Variants in CLASP1 observed in about 807,000 individuals in gnomAD.
CLASP1 encodes the protein CLIP-associating protein 1.
Under a neutral mutation model 192.3 loss-of-function variants are expected in CLASP1, and 38 were observed. That is an observed-to-expected ratio of 0.20 (90% CI 0.15 to 0.26). CLASP1 has a LOEUF of 0.26. CLASP1 is among the 10% of genes least tolerant of loss of function. CLASP1 has a pLI of 1.00. For missense variants in CLASP1, 1,433 were observed against 1,932.5 expected, an observed-to-expected ratio of 0.74 and a Z score of 4.85; for synonymous variants, 691 against 712.8, an observed-to-expected ratio of 0.97 and a Z score of 0.49.
chr2:121,504,879 A>G (rs767206999), intron 7 of CLASP1: 2 of 152,252 alleles, frequency 1.3e-5, no homozygotes, highest in Non-Finnish European at 2.9e-5. Flanking sequence ...GGCACTGAAT[A>G]AAACTCCAAT....
chr2:121,366,455 C>T (rs187793913), intron 35 of CLASP1, among the ~76,000 whole-genome samples: 43 of 152,362 alleles, frequency 2.8e-4, no homozygotes, highest in Non-Finnish European at 4.1e-4. Context: ...TCTACCTTAG[C>T]ATTCCCCTAC....
intron 6 of CLASP1, among the ~76,000 whole-genome samples, chr2:121,517,982 G>C (rs913841156): frequency 6.8e-6 from 1 of 146,486 alleles, no homozygotes; most frequent in African/African-American, 2.5e-5. Flanking sequence ...TCAGGAGTTC[G>C]AGTTCAGGCA....
intron 16 of CLASP1, among the ~76,000 whole-genome samples, chr2:121,449,836 G>A (rs1427416727): frequency 1.3e-5 from 2 of 152,176 alleles, no homozygotes; most frequent in African/African-American, 2.4e-5. Context: ...AGATCAGGAT[G>A]TATTAATGCA....
intron 2 of CLASP1, among the ~76,000 whole-genome samples, chr2:121,582,798 T>A (rs1394725905): frequency 1.3e-5 from 2 of 151,490 alleles, no homozygotes; most frequent in Non-Finnish European, 2.9e-5. Context: ...TTTTTTTTTT[T>A]AACTGAGACA....
At chr2:121,384,007 TACACACAC>T (rs771174974) in intron 32 of CLASP1, among the ~76,000 whole-genome samples, 6 of 139,720 alleles carry the variant, frequency 4.3e-5, no homozygotes, top group South Asian at 2.2e-4. Context: ...TATATATATA[TACACACAC>T]ACACACACAC....
At chr2:121,500,123 G>GAA (rs1172979686) in intron 8 of CLASP1, among the ~76,000 whole-genome samples, 1 of 152,136 alleles carries the variant, frequency 6.6e-6, no homozygotes, top group African/African-American at 2.4e-5. Context: ...AATAAGTTCA[G>GAA]AAAGGTTGTA....
At position 121,530,261 on chromosome 2, in the gene CLASP1, G is replaced by C. The variant is rs1264781610; in HGVS notation, c.260C>G (p.Ala87Gly). 4 of 1,552,272 alleles carry C rather than the reference G, an allele frequency of 2.6e-6. No homozygotes were observed. The Admixed American group carries it at 7.8e-5, about 30-fold the overall frequency. ...CCGCAGCTCACCTGTGCCGATCTGC[G>C]CCTTGAACCGATCCTGCAGCCGGGT... is the stretch of plus-strand genomic sequence containing the variant. The change falls in exon 3 of 40, where the codon GCG (alanine) becomes GGG (glycine). Residue 87 changes from alanine (A) to glycine (G), a missense_variant. Around this residue, in one of 8 missense-constraint regions of CLASP1, gnomAD observed 282 missense variants for 359.9 expected, o/e 0.78. Coordinates refer to ENST00000263710, the Ensembl canonical transcript of CLASP1.
rs568948684 is a variant in CLASP1 at position 121,488,709 on chromosome 2, G to A, written c.712+14458C>T. Among the ~76,000 whole-genome samples, 9 of 152,162 alleles carry A rather than the reference G, an allele frequency of 5.9e-5. No homozygotes were observed. The South Asian group carries it at 1.9e-3, about 32-fold the overall frequency. On this transcript the variant is annotated intron_variant, in intron 8 of 39. Coordinates refer to ENST00000263710, the Ensembl canonical transcript of CLASP1. ...AGGAAAGTGCTCTGAAAACACTAAA[G>A]TACTCTACACACCTTGGGAGACCTG...
chr2:121,523,690 T>A (rs1490871483), intron 6 of CLASP1, among the ~76,000 whole-genome samples: 4 of 152,364 alleles, frequency 2.6e-5, no homozygotes, highest in African/African-American at 9.6e-5. Flanking sequence ...CTGAGGTTAT[T>A]CATCAGTGAA....
intron 37 of CLASP1, among the ~76,000 whole-genome samples, chr2:121,358,728 G>A (rs753099861): frequency 2.0e-5 from 3 of 152,168 alleles, no homozygotes; most frequent in Admixed American, 6.5e-5. Flanking sequence ...AACTAGAAAT[G>A]ATTTAAAAAT....
chr2:121,374,581 A>G (rs1320698188), intron 34 of CLASP1, among the ~76,000 whole-genome samples: 1 of 152,208 alleles, frequency 6.6e-6, no homozygotes, highest in Non-Finnish European at 1.5e-5. Flanking sequence ...TCAGTCCATG[A>G]AAGCAGCTGT....
intron 37 of CLASP1, among the ~76,000 whole-genome samples, chr2:121,353,260 C>T (rs1329268570): frequency 2.0e-5 from 3 of 152,140 alleles, no homozygotes; most frequent in Non-Finnish European, 4.4e-5. Flanking sequence ...GCAGCTGAGC[C>T]GGGAGCTCCC....
At chr2:121,363,040 G>GT in intron 37 of CLASP1, 132 bp downstream of exon 38, 2 of 1,130,760 alleles carry the variant, frequency 1.8e-6, no homozygotes, top group Non-Finnish European at 2.5e-6. Flanking sequence ...ACTCCACTCT[G>GT]TATTACGACA....
At chr2:121,636,329 C>A (rs548329635) in intron 1 of CLASP1, among the ~76,000 whole-genome samples, 8 of 137,304 alleles carry the variant, frequency 5.8e-5, no homozygotes, top group Non-Finnish European at 1.2e-4. Context: ...GAGTGAGACT[C>A]CATTTCAAAA....
At chr2:121,636,347 T>TAAC in intron 1 of CLASP1, among the ~76,000 whole-genome samples, 1 of 143,782 alleles carries the variant, frequency 7.0e-6, no homozygotes, top group South Asian at 2.2e-4. Flanking sequence ...AAAATAATAA[T>TAAC]AATAATAATA....
At chr2:121,451,727 A>T in intron 15 of CLASP1, 63 bp downstream of exon 15, 1 of 1,321,458 alleles carries the variant, frequency 7.6e-7, no homozygotes. Context: ...TGGACCACTC[A>T]CCAAAGCATT....
At chr2:121,410,920 G>A (rs1397009213) in exon 24 of CLASP1, 1 of 1,611,994 alleles carries the variant, frequency 6.2e-7, no homozygotes, top group Admixed American at 1.7e-5. Context: ...GAACTCTCAT[G>A]GCATTCACAG....
intron 7 of CLASP1, 126 bp downstream of exon 7, chr2:121,515,539 C>G (rs1348068007): frequency 1.3e-6 from 1 of 746,410 alleles, no homozygotes; most frequent in African/African-American, 1.8e-5. Context: ...CAACTACCCT[C>G]TAACCTTATA....
chr2:121,382,588 A>C (rs2071984881), intron 32 of CLASP1, among the ~76,000 whole-genome samples: 1 of 152,230 alleles, frequency 6.6e-6, no homozygotes, highest in Admixed American at 6.5e-5. Flanking sequence ...ATGAGATTCC[A>C]AGAGTGTCTA....
Sources: gnomAD v4.1 joint callset for allele counts (sites outside exome capture counted in the v4.1 genomes callset) on GRCh38, gnomAD v4.1.1 for gene constraint, gnomAD v4.1.1 regional missense constraint, MANE v1.5 for transcripts, NCBI Gene and HGNC (gene_info 2026-07-23, HGNC 2026-07-21) for gene names.